The following TUSC3 variants were observed in gnomAD, a reference collection of about 807,000 sequenced individuals.
TUSC3 encodes dolichyl-diphosphooligosaccharide--protein glycosyltransferase subunit TUSC3.
TUSC3 carries 45 observed loss-of-function variants against 44.8 expected under a neutral mutation model. The ratio of observed to expected loss-of-function variants is 1.00; its 90% confidence interval spans 0.79 to 1.29. The LOEUF (loss-of-function observed/expected upper bound fraction) is 1.29, where lower values mean the gene tolerates loss of function less well. TUSC3 is among the 50% of genes most tolerant of loss of function. The pLI, the probability that TUSC3 is intolerant of heterozygous loss-of-function variation, is 0.00. For missense variants in TUSC3, 519 were observed against 437.9 expected (o/e 1.19, Z -1.65); for synonymous variants, 212 against 152.9 (o/e 1.39, Z -2.85).
At chr8:15,679,381 T>C (rs1365890325) in intron 6 of TUSC3, among the ~76,000 whole-genome samples, 2 of 152,204 alleles carry the variant, frequency 1.3e-5, no homozygotes, top group African/African-American at 4.8e-5. Context: ...TTTTCATGTT[T>C]ATTGACCACT....
intron 9 of TUSC3, among the ~76,000 whole-genome samples, chr8:15,753,729 A>T (rs1409172683): frequency 1.3e-5 from 2 of 152,074 alleles, no homozygotes; most frequent in East Asian, 3.9e-4. Flanking sequence ...CCTGACAAAC[A>T]TCGAAAACAA....
intron 6 of TUSC3, among the ~76,000 whole-genome samples, chr8:15,682,866 A>G (rs564489104): frequency 1.4e-5 from 2 of 142,684 alleles, no homozygotes; most frequent in African/African-American, 5.2e-5. Context: ...GAATTCTCTT[A>G]GTGATTGATT....
At chr8:15,616,649 A>G (rs1245152803) in intron 1 of TUSC3, among the ~76,000 whole-genome samples, 2 of 152,204 alleles carry the variant, frequency 1.3e-5, no homozygotes, top group African/African-American at 4.8e-5. Context: ...CTCAATTGGA[A>G]ATATTTTTCA....
intron 7 of TUSC3, among the ~76,000 whole-genome samples, chr8:15,738,027 G>A (rs1194915419): frequency 6.6e-6 from 1 of 151,996 alleles, no homozygotes; most frequent in Non-Finnish European, 1.5e-5. Flanking sequence ...TAAATAATAG[G>A]GAGGGTTAGC....
At chr8:15,595,638 G>T (rs1289622664) in intron 1 of TUSC3, among the ~76,000 whole-genome samples, 2 of 152,126 alleles carry the variant, frequency 1.3e-5, no homozygotes, top group Non-Finnish European at 1.5e-5. Context: ...GGCCAGAAAT[G>T]GAAGGAGTAT....
chr8:15,707,939 C>G (rs531627920), intron 6 of TUSC3, among the ~76,000 whole-genome samples: 1 of 151,862 alleles, frequency 6.6e-6, no homozygotes, highest in Non-Finnish European at 1.5e-5. Flanking sequence ...GCTAGCGTTC[C>G]TTGGCTTGTA....
rs553406223 is a variant in TUSC3, at chr8:15,703,241, A to T, written c.799-27425A>T. Among the ~76,000 whole-genome samples the T allele has an allele frequency of 3.3e-5, 5 of 152,284 alleles. No individual in the cohort carries two copies. In the South Asian group the frequency reaches 1.0e-3, roughly 32 times the overall value. On this transcript the variant is annotated intron_variant, in intron 6 of 10. Coordinates refer to ENST00000503731, the MANE Select transcript of TUSC3 (RefSeq NM_006765.4). The stretch of plus-strand genomic sequence containing the variant: ...TAGTATAGGTATAAACTTTAAAGAG[A>T]TATGTAACTTGAGCCTAATTAATTA...
At position 15,667,049 on chromosome 8, in the gene TUSC3, C is replaced by T. The variant is rs117922155; in HGVS notation, c.708+4753C>T. 3.2e-4 allele frequency among the ~76,000 whole-genome samples: 49 copies of T among 151,580 alleles called. 1 individual carries two copies. The East Asian group carries it at 9.1e-3, about 28-fold the overall frequency. ...TGTTCTTGGCTGAGTTTTTGCTTAT[C>T]TTATTATAAAGTCACAATTGAATAA... On this transcript the variant is annotated intron_variant, in intron 5 of 10. Transcript: ENST00000503731.
chr8:15,500,650 C>T (rs1479034527), intron 2 of TUSC3, among the ~76,000 whole-genome samples: 2 of 152,162 alleles, frequency 1.3e-5, no homozygotes, highest in Admixed American at 6.6e-5. Context: ...TTAAATTCCC[C>T]TTTTAAAACA....
chr8:15,773,829 C>T, the TUSC3 span, among the ~76,000 whole-genome samples: 1 of 152,304 alleles, frequency 6.6e-6, no homozygotes, highest in African/African-American at 2.4e-5. Flanking sequence ...CCAAAACCAT[C>T]AGCTGGATTT....
At chr8:15,748,058 G>A (rs980448578) in intron 8 of TUSC3, among the ~76,000 whole-genome samples, 1 of 151,986 alleles carries the variant, frequency 6.6e-6, no homozygotes, top group Non-Finnish European at 1.5e-5. Flanking sequence ...GATCACTCTG[G>A]GGCATGTTAG....
chr8:15,480,491 C>G (rs1416506209), intron 1 of TUSC3, among the ~76,000 whole-genome samples: 3 of 152,220 alleles, frequency 2.0e-5, no homozygotes, highest in African/African-American at 7.2e-5. Flanking sequence ...TCAAGTACAA[C>G]TTCTAGTTGA....
At chr8:15,649,487 G>C (rs947982572) in intron 2 of TUSC3, among the ~76,000 whole-genome samples, 13 of 151,938 alleles carry the variant, frequency 8.6e-5, no homozygotes, top group African/African-American at 3.1e-4. Flanking sequence ...GGGAGGCTGA[G>C]GCAGGAGAAT....
At chr8:15,488,378 T>C (rs1048153190) in intron 2 of TUSC3, among the ~76,000 whole-genome samples, 1 of 151,544 alleles carries the variant, frequency 6.6e-6, no homozygotes, top group Admixed American at 6.6e-5. Flanking sequence ...GGCTCGCACC[T>C]GTAGTCCTGG....
chr8:15,582,989 T>C (rs910201240), intron 1 of TUSC3, among the ~76,000 whole-genome samples: 15 of 152,180 alleles, frequency 9.9e-5, no homozygotes, highest in African/African-American at 3.4e-4. Context: ...TAGAGATCTG[T>C]CTGTACATTT....
chr8:15,762,085 G>A (rs181274331), intron 10 of TUSC3, among the ~76,000 whole-genome samples: 29 of 151,830 alleles, frequency 1.9e-4, no homozygotes, highest in African/African-American at 7.0e-4. Context: ...AAATAAAAGT[G>A]AAACCTGAAA....
intron 2 of TUSC3, among the ~76,000 whole-genome samples, chr8:15,630,484 T>C (rs1805710555): frequency 6.6e-6 from 1 of 152,124 alleles, no homozygotes; most frequent in Admixed American, 6.5e-5. Context: ...ATTCTCATTA[T>C]TGTGAAAGTT....
At chr8:15,760,025 C>T (rs550012005) in intron 10 of TUSC3, among the ~76,000 whole-genome samples, 20 of 152,186 alleles carry the variant, frequency 1.3e-4, no homozygotes, top group Admixed American at 6.6e-4. Flanking sequence ...TGACTATAAC[C>T]GAGCCTCTTA....
chr8:15,572,103 A>C (rs1401352191), intron 1 of TUSC3, among the ~76,000 whole-genome samples: 3 of 152,118 alleles, frequency 2.0e-5, no homozygotes, highest in African/African-American at 7.2e-5. Flanking sequence ...CTGTCCTTTC[A>C]AACCAGGCAT....
Sources: allele counts gnomAD v4.1 joint callset (sites outside exome capture counted in the v4.1 genomes callset), GRCh38; gene constraint gnomAD v4.1.1; transcripts MANE v1.5; gene names NCBI Gene and HGNC (gene_info 2026-07-23, HGNC 2026-07-21).